CYB5R3: variants seen among roughly 807,000 people sequenced by gnomAD.
CYB5R3 encodes the protein NADH-cytochrome b5 reductase 3.
CYB5R3 carries 28 observed loss-of-function variants against 36.5 expected under a neutral mutation model. The ratio of observed to expected loss-of-function variants is 0.77; its 90% confidence interval spans 0.57 to 1.05. The LOEUF (loss-of-function observed/expected upper bound fraction) is 1.05. Ranked by LOEUF, CYB5R3 falls within the 50% of genes least tolerant of loss-of-function variation. The pLI is 0.00. For missense variants in CYB5R3, 474 were observed against 408.9 expected, an observed-to-expected ratio of 1.16 and a Z score of -1.37; for synonymous variants, 181 against 159.8, an observed-to-expected ratio of 1.13 and a Z score of -1.00.
At chr22:42,636,216 C>CA (rs368480405) in intron 2 of CYB5R3, among the ~76,000 whole-genome samples, 3,688 of 144,132 alleles carry the variant, frequency 0.026, 150 homozygotes, top group African/African-American at 0.089. Flanking sequence ...GACTCTGTCT[C>CA]AAAAAAAAAA....
chr22:42,622,075 A>T (rs1928003154), intron 8 of CYB5R3, among the ~76,000 whole-genome samples: 1 of 152,052 alleles, frequency 6.6e-6, no homozygotes, highest in Non-Finnish European at 1.5e-5. Flanking sequence ...GGCACGCGAC[A>T]CACGCCCAGC....
At position 42,644,865 on chromosome 22, in the gene CYB5R3, G is replaced by A. The variant is rs985180363; in HGVS notation, c.21+4430C>T. Reference sequence around the variant, plus strand: ...GCACAGCCCAGCTTAAGGCCCCTCCGCGGGCAGCTGGCTTCACGGGCTGCG... The same window carrying A: ...GCACAGCCCAGCTTAAGGCCCCTCCACGGGCAGCTGGCTTCACGGGCTGCG... On this transcript the variant is annotated intron_variant, in intron 1 of 8. Coordinates refer to ENST00000352397, the MANE Select transcript of CYB5R3 (RefSeq NM_000398.7). Among the ~76,000 whole-genome samples the A allele has an allele frequency of 1.3e-4, 20 of 152,242 alleles. 2 individuals are homozygous for A. Among genetic ancestry groups the A allele is most frequent in the Admixed American group, 4.6e-4 (7 of 15,292 alleles).
intron 4 of CYB5R3, among the ~76,000 whole-genome samples, 194 bp downstream of exon 4, chr22:42,630,688 C>CG (rs1366249383): frequency 1.3e-5 from 2 of 152,160 alleles, no homozygotes; most frequent in South Asian, 2.1e-4. Context: ...GTCCGGGCTG[C>CG]GGGGGGACAT....
intron 1 of CYB5R3, among the ~76,000 whole-genome samples, chr22:42,647,982 G>A (rs2146916983): frequency 6.6e-6 from 1 of 152,334 alleles, no homozygotes; most frequent in East Asian, 1.9e-4. Context: ...GAAGGGTTGG[G>A]TGGAGACCAG....
intron 6 of CYB5R3, 41 bp from the exon 7 acceptor site, chr22:42,627,430 G>T: frequency 6.3e-7 from 1 of 1,598,498 alleles, no homozygotes; most frequent in Non-Finnish European, 8.6e-7. Flanking sequence ...GCTGAGCGAG[G>T]CCTGTTCACA....
At chr22:42,638,728 T>TTAAAAAAAAAAAAAAAAAA (rs1569324852) in intron 1 of CYB5R3, among the ~76,000 whole-genome samples, 1 of 47,488 alleles carries the variant, frequency 2.1e-5, no homozygotes, top group African/African-American at 1.1e-4. Flanking sequence ...CAAGACTCCA[T>TTAAAAAAAAAAAAAAAAAA]AAAAAAAAAA....
intron 1 of CYB5R3, chr22:42,639,100 C>T (rs905849030): frequency 4.8e-6 from 2 of 420,114 alleles, no homozygotes; most frequent in South Asian, 3.4e-5. Context: ...GAGCCCAAGG[C>T]AGGCAGATTA....
rs121965012 is a variant in CYB5R3, at chr22:42,619,781, CGAA to C, written c.895_897del (p.Phe299del). 1 of 1,582,548 alleles carries C rather than the reference CGAA, an allele frequency of 6.3e-7. No homozygotes were observed. The highest frequency in any genetic ancestry group is 2.3e-5 in the East Asian group (1 of 43,834). Reference sequence around the variant, plus strand: ...GTGACCGTGCCCGGCCCTCAGAAGACGAAGCAGCGCTCCGTGGGGTGGCCCACG... The same window carrying C: ...GTGACCGTGCCCGGCCCTCAGAAGACGCAGCGCTCCGTGGGGTGGCCCACG... On this transcript the variant is annotated inframe_deletion, in exon 9 of 9. Transcript: ENST00000352397.
intron 1 of CYB5R3, chr22:42,644,262 CCTG>C (rs1929428751): frequency 3.1e-6 from 2 of 640,540 alleles, no homozygotes; most frequent in East Asian, 5.5e-5. Flanking sequence ...CACAGTGAGG[CCTG>C]AGCACCTGCC....
intron 1 of CYB5R3, among the ~76,000 whole-genome samples, chr22:42,646,070 C>T (rs1055996836): frequency 9.9e-5 from 15 of 152,196 alleles, no homozygotes; most frequent in African/African-American, 3.6e-4. Context: ...CCTACCCACA[C>T]GGGTTGGAAC....
chr22:42,635,910 A>G (rs538849439), intron 2 of CYB5R3, among the ~76,000 whole-genome samples: 18 of 152,310 alleles, frequency 1.2e-4, no homozygotes, highest in Non-Finnish European at 2.4e-4. Context: ...AATCATAATC[A>G]GAGCTTTGAA....
intron 4 of CYB5R3, among the ~76,000 whole-genome samples, chr22:42,630,291 C>A (rs185686059): frequency 3.9e-5 from 6 of 152,254 alleles, no homozygotes; most frequent in Admixed American, 1.3e-4. Flanking sequence ...GACAACACCA[C>A]ACGAGCCCCT....
chr22:42,636,995 C>A, intron 1 of CYB5R3, 149 bp from the exon 2 acceptor site: 1 of 1,131,380 alleles, frequency 8.8e-7, no homozygotes, highest in South Asian at 1.3e-5. Flanking sequence ...GCTTCATCAT[C>A]CATTTTGGTG....
chr22:42,638,496 T>A, intron 1 of CYB5R3, among the ~76,000 whole-genome samples: 1 of 128,532 alleles, frequency 7.8e-6, no homozygotes. Context: ...TTGAGCCCAG[T>A]AGTTCGCGAC....
At chr22:42,638,452 C>T (rs1929024711) in intron 1 of CYB5R3, among the ~76,000 whole-genome samples, 1 of 146,532 alleles carries the variant, frequency 6.8e-6, no homozygotes, top group African/African-American at 2.5e-5. Flanking sequence ...CGCCCGTGGT[C>T]CCAGCTACTC....
intron 2 of CYB5R3, 85 bp downstream of exon 2, chr22:42,636,630 C>A: frequency 1.3e-6 from 2 of 1,566,252 alleles, no homozygotes; most frequent in South Asian, 1.1e-5. Context: ...GTATCTACTT[C>A]AGAGCAGGAC....
chr22:42,649,342 T>A lies in CYB5R3; in HGVS notation c.-27A>T. ...GTGGCCCCGCGCCGCGCTCGCTCTG[T>A]CGCCGCCGCCGCCGCCGCCGAGACC... On this transcript the variant is annotated 5_prime_UTR_variant, in exon 1 of 9. Transcript: ENST00000352397. The A allele has an allele frequency of 2.1e-6, 2 of 969,126 alleles. No homozygotes were observed. Among genetic ancestry groups the A allele is most frequent in the Non-Finnish European group, 2.5e-6 (2 of 798,774 alleles). 60.0% of individuals were successfully genotyped at this position (969,126 alleles called of 1,614,324 possible).
chr22:42,631,700 G>A (rs1928631148), intron 2 of CYB5R3: 1 of 576,570 alleles, frequency 1.7e-6, no homozygotes, highest in African/African-American at 1.9e-5. Context: ...CACAAACAAG[G>A]TGGCCAGAAC....
rs2284088 is a variant in CYB5R3 at position 42,644,867 on chromosome 22, G to A, written c.21+4428C>T. ...ACAGCCCAGCTTAAGGCCCCTCCGCGGGCAGCTGGCTTCACGGGCTGCGAG... is the reference window on the plus strand; with the variant it reads ...ACAGCCCAGCTTAAGGCCCCTCCGCAGGCAGCTGGCTTCACGGGCTGCGAG... On this transcript the variant is annotated intron_variant, in intron 1 of 8. Coordinates refer to ENST00000352397, the MANE Select transcript of CYB5R3 (RefSeq NM_000398.7). Among the ~76,000 whole-genome samples, 24,033 of 152,042 alleles carry A rather than the reference G, an allele frequency of 0.16. 2,572 individuals carry two copies. The highest frequency in any genetic ancestry group is 0.58 in the East Asian group (2,993 of 5,132).
Sources: allele counts gnomAD v4.1 joint callset (sites outside exome capture counted in the v4.1 genomes callset), GRCh38; gene constraint gnomAD v4.1.1; transcripts MANE v1.5; gene names NCBI Gene and HGNC (gene_info 2026-07-23, HGNC 2026-07-21).